The following CCDC88B variants were observed in gnomAD, a reference collection of about 807,000 sequenced individuals.
CCDC88B encodes coiled-coil domain-containing protein 88B.
Under a neutral mutation model 183.7 loss-of-function variants are expected in CCDC88B, and 138 were observed. The observed-to-expected ratio is 0.75, with a 90% CI of 0.65 to 0.87. CCDC88B has a LOEUF of 0.87. Ranked by LOEUF, CCDC88B falls within the 40% of genes least tolerant of loss-of-function variation. CCDC88B has a pLI of 0.00. For synonymous variants in CCDC88B, 835 were observed against 867.5 expected (o/e 0.96, Z 0.66); for missense variants, 1,822 against 1,965.6 (o/e 0.93, Z 1.38).
Position 64,342,889 on chromosome 11 carries a change from T to A in CCDC88B, c.1062+209T>A, listed in dbSNP as rs528367654. The stretch of plus-strand genomic sequence containing the variant: ...GGTGTAGGGGAGTGGGGGGGCTGTG[T>A]AAGTGATGCAGCCTTGGAAGGAGGG... On this transcript the variant is annotated intron_variant, in intron 10 of 26. Transcript: ENST00000356786. The A allele has an allele frequency of 1.2e-3, 422 of 361,006 alleles. 8 individuals are homozygous for A. In the South Asian group the frequency reaches 0.013, roughly 11 times the overall value. The allele number at this position is 361,006 out of a possible 1,614,324, so 22.4% of individuals were successfully genotyped here.
chr11:64,349,524 G>GGGGGGGGGGGGC, intron 15 of CCDC88B, 27 bp from the exon 16 acceptor site: 1 of 1,498,192 alleles, frequency 6.7e-7, no homozygotes, highest in Non-Finnish European at 9.2e-7. Flanking sequence ...GTGGGGTGGG[G>GGGGGGGGGGGGC]CTGGGTGCTA....
Position 64,352,859 on chromosome 11 carries a change from C to A in CCDC88B, c.3472C>A (p.Leu1158Met). 6.2e-7 allele frequency: 1 copy of A among 1,607,046 alleles called. No homozygotes were observed. Among genetic ancestry groups the A allele is most frequent in the Non-Finnish European group, 8.5e-7 (1 of 1,177,636 alleles). Residue 1158 changes from leucine to methionine, a missense_variant, in exon 20 of 27, where the codon CTG becomes ATG. Leu to Met is a conservative substitution (Grantham distance 15, BLOSUM62 2). Transcript: ENST00000356786. ...GHRQRGLEEE[L>M]RRLQSEHDRA... ...TCGGCAGCGGGGCCTGGAGGAGGAG[C>A]TGCGGAGGCTTCAGAGCGAGCACGA...
intron 26 of CCDC88B, chr11:64,356,788 G>C (rs2036560019): frequency 2.0e-6 from 1 of 505,520 alleles, no homozygotes; most frequent in African/African-American, 1.9e-5. Context: ...TAACTGGGGT[G>C]CTGGGGTGGG....
At chr11:64,342,227 G>T in intron 8 of CCDC88B, 67 bp from the exon 9 acceptor site, 2 of 1,579,232 alleles carry the variant, frequency 1.3e-6, no homozygotes, top group Admixed American at 3.8e-5. Context: ...CTACGGGAGG[G>T]GTCAGGCCTG....
At position 64,340,747 on chromosome 11, in the gene CCDC88B, C is replaced by A; in HGVS notation, c.201C>A (p.Gly67=). 1.9e-6 allele frequency: 3 copies of A among 1,609,282 alleles called. No individual in the cohort carries two copies. The highest frequency in any genetic ancestry group is 2.5e-6 in the Non-Finnish European group (3 of 1,178,318). ...GGGCCCTGCTCCTCCGGGTGCTGGG[C>A]ATCATGTAAGGGGCATCGGGCCGGG... ...SDGALLLRVL[G]IIAPSSRGGP... Residue 67 remains glycine (G), a synonymous_variant, in exon 2 of 27, where the codon GGC becomes GGA. Coordinates refer to ENST00000356786, the MANE Select transcript of CCDC88B (RefSeq NM_032251.6).
At position 64,341,519 on chromosome 11, in the gene CCDC88B, C is replaced by T. The variant is rs1435895000; in HGVS notation, c.531+15C>T. The T allele has an allele frequency of 5.6e-6, 9 of 1,613,304 alleles. No homozygotes were observed. The highest frequency in any genetic ancestry group is 2.2e-5 in the South Asian group (2 of 91,072). On this transcript the variant is annotated intron_variant, in intron 6 of 26. Coordinates refer to ENST00000356786, the MANE Select transcript of CCDC88B (RefSeq NM_032251.6). ...CCATCCAGGAGGTACTGAGACGGTTCGGCAGCCCAGACTGGTATGGCACCT... is the reference window on the plus strand; with the variant it reads ...CCATCCAGGAGGTACTGAGACGGTTTGGCAGCCCAGACTGGTATGGCACCT...
rs992141401 is a variant in CCDC88B at position 64,352,662 on chromosome 11, C to G, written c.3357-82C>G. The G allele has an allele frequency of 3.0e-5, 47 of 1,581,424 alleles. No individual in the cohort carries two copies. The African/African-American group carries it at 3.2e-4, about 11-fold the overall frequency. On this transcript the variant is annotated intron_variant, in intron 19 of 26. Transcript: ENST00000356786. ...AGGCTTAGGAGGTGACAGACCCCCCCGCCCCGGGTCCAGATAGTCCAGCCA... is the reference window on the plus strand; with the variant it reads ...AGGCTTAGGAGGTGACAGACCCCCCGGCCCCGGGTCCAGATAGTCCAGCCA...
rs1591270846 is a variant in CCDC88B at position 64,340,642 on chromosome 11, G to A, written c.96G>A (p.Glu32=). 3.1e-6 allele frequency: 5 copies of A among 1,610,898 alleles called. No individual in the cohort carries two copies. The highest frequency in any genetic ancestry group is 1.7e-4 in the Middle Eastern group (1 of 6,018). ...TGGCCGGGCTGGTCGGGGAGGCGGA[G>A]GACTCGGAGGGGGAAGAAGAGGAAG... The part of the protein sequence containing the change: ...LGLAGLVGEA[E]DSEGEEEEEE... Residue 32 remains glutamate (E), a synonymous_variant, in exon 2 of 27, where the codon GAG becomes GAA. Transcript: ENST00000356786.
intron 21 of CCDC88B, 24 bp downstream of exon 21, chr11:64,353,264 G>A (rs775181215): frequency 1.3e-6 from 2 of 1,566,062 alleles, no homozygotes; most frequent in Non-Finnish European, 1.7e-6. Flanking sequence ...GCCGGTGGGG[G>A]TATGGGCGTG....
chr11:64,340,629 T>C lies in CCDC88B; in HGVS notation c.83T>C (p.Val28Ala). ...ATWALGLAGLVGEAEDSEGEE... is the reference protein window; with the variant it reads ...ATWALGLAGLAGEAEDSEGEE... ...CAGGCGCTGGGACTGGCCGGGCTGG[T>C]CGGGGAGGCGGAGGACTCGGAGGGG... The change falls in exon 2 of 27, where the codon GTC becomes GCC. Residue 28 changes from valine (V) to alanine (A), a missense_variant. By Grantham distance (64) the Val-to-Ala change is moderately conservative (BLOSUM62 0). Coordinates refer to ENST00000356786, the MANE Select transcript of CCDC88B (RefSeq NM_032251.6). The C allele has an allele frequency of 6.2e-7, 1 of 1,609,210 alleles. No individual in the cohort carries two copies. Among genetic ancestry groups the C allele is most frequent in the Non-Finnish European group, 8.5e-7 (1 of 1,179,322 alleles).
intron 18 of CCDC88B, 151 bp from the exon 19 acceptor site, chr11:64,351,979 T>C (rs533660342): frequency 2.7e-5 from 31 of 1,154,412 alleles, no homozygotes; most frequent in South Asian, 4.7e-5. Context: ...GGCTGGGGCT[T>C]GTACTGCCTG....
chr11:64,357,373 A>AT lies in CCDC88B; in HGVS notation c.*280dup. 2 of 717,354 alleles carry AT rather than the reference A, an allele frequency of 2.8e-6. No individual in the cohort carries two copies. The highest frequency in any genetic ancestry group is 5.2e-6 in the Non-Finnish European group (2 of 385,120). 44.4% of individuals were successfully genotyped at this position (717,354 alleles called of 1,614,324 possible). A position where few individuals can be genotyped will look rare whatever the true frequency, so the allele number is the denominator to read the frequency against. Reference sequence around the variant, plus strand: ...CCGCTGAGGCAGCGGTCTCTGGGGGATCCCCCAGCTGAAGGAGGCTGGCAG... The same window carrying AT: ...CCGCTGAGGCAGCGGTCTCTGGGGGATTCCCCCAGCTGAAGGAGGCTGGCAG... On this transcript the variant is annotated 3_prime_UTR_variant, in exon 27 of 27. Transcript: ENST00000356786.
At position 64,357,366 on chromosome 11, in the gene CCDC88B, C is replaced by G; in HGVS notation, c.*272C>G. 1.4e-6 allele frequency: 1 copy of G among 717,666 alleles called. No individual in the cohort carries two copies. The highest frequency in any genetic ancestry group is 2.6e-6 in the Non-Finnish European group (1 of 385,196). The allele number at this position is 717,666 out of a possible 1,614,324, so 44.5% of individuals were successfully genotyped here. A position where few individuals can be genotyped will look rare whatever the true frequency, so the allele number is the denominator to read the frequency against. On this transcript the variant is annotated 3_prime_UTR_variant, in exon 27 of 27. Coordinates refer to ENST00000356786, the MANE Select transcript of CCDC88B (RefSeq NM_032251.6). Reference sequence around the variant, plus strand: ...GTGGCTCCCGCTGAGGCAGCGGTCTCTGGGGGATCCCCCAGCTGAAGGAGG... The same window carrying G: ...GTGGCTCCCGCTGAGGCAGCGGTCTGTGGGGGATCCCCCAGCTGAAGGAGG...
At chr11:64,340,834 G>A in intron 2 of CCDC88B, 73 bp from the exon 3 acceptor site, 1 of 1,542,650 alleles carries the variant, frequency 6.5e-7, no homozygotes, top group Non-Finnish European at 8.7e-7. Flanking sequence ...ATGCTCAGTG[G>A]GCGGGGCCTG....
chr11:64,343,255 G>C lies in CCDC88B; in HGVS notation c.1139G>C (p.Arg380Pro), dbSNP rs1019024898. 2 of 1,548,470 alleles carry C rather than the reference G, an allele frequency of 1.3e-6. No individual in the cohort carries two copies. Among genetic ancestry groups the C allele is most frequent in the Non-Finnish European group, 8.7e-7 (1 of 1,146,696 alleles). The change falls in exon 11 of 27, where the codon CGC becomes CCC. Residue 380 changes from arginine (R) to proline (P), a missense_variant. Transcript: ENST00000356786. ...GAGCAGCTGGAGGCTGCCCGAGAGC[G>C]CTGCGCCCGGCTGCACGAGACCCAG... ...LEEQLEAARE[R>P]CARLHETQRE...
At chr11:64,343,384 T>A in intron 11 of CCDC88B, 59 bp downstream of exon 11, 3 of 1,537,950 alleles carry the variant, frequency 2.0e-6, no homozygotes, top group East Asian at 4.9e-5. Context: ...CCCCATTGAT[T>A]CCCTAGTGGT....
At chr11:64,351,378 G>T in intron 17 of CCDC88B, 98 bp from the exon 18 acceptor site, 1 of 1,531,202 alleles carries the variant, frequency 6.5e-7, no homozygotes, top group South Asian at 1.2e-5. Context: ...AGTGGGCCCG[G>T]GGGTGGGGGT....
Position 64,352,262 on chromosome 11 carries a change from CA to C in CCDC88B, c.3233del (p.His1078ProfsTer15). ...RGQQQALLRD[H>X]KALAQLQRRQ... ...GCAGCAGCAGGCCCTGCTTCGGGAC[CA>C]CAAGGCCCTGGCACAGCTGCAGCGG... On this transcript the variant is annotated frameshift_variant, in exon 19 of 27. Coordinates refer to ENST00000356786, the MANE Select transcript of CCDC88B (RefSeq NM_032251.6). LOFTEE classifies it high-confidence loss of function. The C allele has an allele frequency of 6.2e-7, 1 of 1,601,414 alleles. No homozygotes were observed. The highest frequency in any genetic ancestry group is 1.1e-5 in the South Asian group (1 of 89,952).
chr11:64,352,667 CG>C (rs1172907830), intron 19 of CCDC88B, 76 bp from the exon 20 acceptor site: 8 of 1,590,470 alleles, frequency 5.0e-6, no homozygotes, highest in Non-Finnish European at 5.1e-6. Context: ...CCCCCCGCCC[CG>C]GGTCCAGATA....
Sources: allele counts gnomAD v4.1 joint callset, GRCh38; gene constraint gnomAD v4.1.1; transcripts MANE v1.5; gene names NCBI Gene and HGNC (gene_info 2026-07-23, HGNC 2026-07-21).